CBLB: variants seen among roughly 807,000 people sequenced by gnomAD.
The protein encoded by CBLB is Cbl proto-oncogene B.
A neutral mutation model predicts 104.9 loss-of-function variants in CBLB; 31 were observed. The observed-to-expected ratio is 0.30, with a 90% confidence interval of 0.22 to 0.40. CBLB has a LOEUF of 0.40. Ranked by LOEUF, CBLB falls within the 10% of genes least tolerant of loss-of-function variation. CBLB has a pLI of 1.00. For missense variants in CBLB, 1,062 were observed against 1,214.6 expected (o/e 0.87, Z 1.87); for synonymous variants, 440 against 422.6 (o/e 1.04, Z -0.51).
Position 105,670,144 on chromosome 3 carries a change from A to G in CBLB, c.2689+89T>C, listed in dbSNP as rs548959296. ...TTTCTTGGGTGGACAACATTCATTAAATTATATAATGAATAAGAAGGTGTT... is the reference window on the plus strand; with the variant it reads ...TTTCTTGGGTGGACAACATTCATTAGATTATATAATGAATAAGAAGGTGTT... On this transcript the variant is annotated intron_variant, in intron 18 of 18. Transcript: ENST00000394030. 1.1e-5 allele frequency: 12 copies of G among 1,112,816 alleles called. No individual in the cohort carries two copies. The East Asian group carries it at 1.7e-4, about 15-fold the overall frequency. The allele number at this position is 1,112,816 out of a possible 1,614,324, so 68.9% of individuals were successfully genotyped here. A position where few individuals can be genotyped will look rare whatever the true frequency, so the allele number is the denominator to read the frequency against.
At position 105,657,565 on chromosome 3, in the gene CBLB, C is replaced by T. The variant is rs561991953; in HGVS notation, c.*1405G>A. The T allele has an allele frequency of 2.4e-5, 5 of 204,880 alleles. No individual in the cohort carries two copies. Among genetic ancestry groups the T allele is most frequent in the Admixed American group, 5.9e-5 (1 of 16,830 alleles). 12.7% of individuals were successfully genotyped at this position (204,880 alleles called of 1,614,324 possible). ...ACAGAAAAACAAAAATAAAACATTA[C>T]GCTGGAATCAGCTTTTGAGAGTTTG... On this transcript the variant is annotated 3_prime_UTR_variant, in exon 19 of 19. Transcript: ENST00000394030.
intron 3 of CBLB, among the ~76,000 whole-genome samples, chr3:105,814,225 C>G (rs116283576): frequency 6.6e-6 from 1 of 152,042 alleles, no homozygotes; most frequent in Admixed American, 6.6e-5. Flanking sequence ...TATGTTTATA[C>G]GTGCATCAGA....
At chr3:105,682,294 A>G (rs2066409529) in intron 14 of CBLB, among the ~76,000 whole-genome samples, 1 of 152,234 alleles carries the variant, frequency 6.6e-6, no homozygotes, top group Non-Finnish European at 1.5e-5. Context: ...AAGAAGAAAA[A>G]TTATTGAACT....
chr3:105,662,960 T>C (rs1477280012), intron 18 of CBLB, among the ~76,000 whole-genome samples: 1 of 152,210 alleles, frequency 6.6e-6, no homozygotes, highest in East Asian at 1.9e-4. Flanking sequence ...CTACTGTTAC[T>C]ACTTGAGACC....
chr3:105,711,274 A>G (rs111727438), intron 10 of CBLB, among the ~76,000 whole-genome samples: 1 of 152,020 alleles, frequency 6.6e-6, no homozygotes, highest in Non-Finnish European at 1.5e-5. Context: ...TATAATAAGG[A>G]TGATGAGAAG....
At chr3:105,796,200 A>C (rs1245437256) in intron 3 of CBLB, among the ~76,000 whole-genome samples, 1 of 152,260 alleles carries the variant, frequency 6.6e-6, no homozygotes, top group East Asian at 1.9e-4. Flanking sequence ...ACTATATTAC[A>C]GGGCTATAGT....
rs149712640 is a variant in CBLB at position 105,864,508 on chromosome 3, G to A, written c.168+2902C>T. ...CCACTGATGTGAGGGCTTCTGGGTC[G>A]GCTATCAAATTACACATACACAGAG... is the stretch of plus-strand genomic sequence containing the variant. On this transcript the variant is annotated intron_variant, in intron 2 of 18. Transcript: ENST00000394030. Among the ~76,000 whole-genome samples, 25 of 152,192 alleles carry A rather than the reference G, an allele frequency of 1.6e-4. No individual in the cohort carries two copies. In the East Asian group the frequency reaches 4.6e-3, roughly 28 times the overall value.
chr3:105,758,931 T>C (rs2077337419), intron 4 of CBLB, among the ~76,000 whole-genome samples: 1 of 152,240 alleles, frequency 6.6e-6, no homozygotes. Context: ...CTCCTTCTCA[T>C]TGCCCACAAT....
intron 8 of CBLB, among the ~76,000 whole-genome samples, chr3:105,734,784 G>A (rs369965644): frequency 1.3e-5 from 2 of 152,114 alleles, no homozygotes; most frequent in Non-Finnish European, 2.9e-5. Context: ...ACTAAAAAGT[G>A]CATACGCTTT....
intron 2 of CBLB, among the ~76,000 whole-genome samples, chr3:105,855,767 A>G (rs1015991420): frequency 1.1e-4 from 17 of 152,232 alleles, no homozygotes; most frequent in African/African-American, 3.9e-4. Context: ...TTGTAGATAT[A>G]CCGGCTTTTT....
At chr3:105,803,739 G>A (rs72997617) in intron 3 of CBLB, among the ~76,000 whole-genome samples, 2,666 of 152,226 alleles carry the variant, frequency 0.018, 70 homozygotes, top group African/African-American at 0.06. Context: ...TAATAAAGCC[G>A]GGTACACATT....
At chr3:105,752,467 A>C (rs2076677013) in intron 4 of CBLB, among the ~76,000 whole-genome samples, 1 of 152,198 alleles carries the variant, frequency 6.6e-6, no homozygotes, top group African/African-American at 2.4e-5. Context: ...CCTATTCCTA[A>C]TTCGGCAGAA....
intron 3 of CBLB, among the ~76,000 whole-genome samples, chr3:105,791,420 T>G (rs1283467660): frequency 1.3e-5 from 2 of 149,682 alleles, no homozygotes; most frequent in African/African-American, 5.1e-5. Context: ...AAATATTTAG[T>G]GTAGTAAAGA....
At chr3:105,715,962 C>T (rs562819710) in intron 10 of CBLB, among the ~76,000 whole-genome samples, 37 of 152,258 alleles carry the variant, frequency 2.4e-4, no homozygotes, top group Admixed American at 8.5e-4. Flanking sequence ...TCACTTGAAC[C>T]AGGGAGGCAG....
At chr3:105,679,335 TTAA>T (rs756995808) in intron 16 of CBLB, among the ~76,000 whole-genome samples, 192 of 75,134 alleles carry the variant, frequency 2.6e-3, no homozygotes, top group African/African-American at 6.8e-3. Flanking sequence ...CCTTGAGTCT[TTAA>T]AAAAAAAAAA....
chr3:105,678,993 C>T (rs1351838984), intron 16 of CBLB, among the ~76,000 whole-genome samples: 3 of 152,080 alleles, frequency 2.0e-5, no homozygotes, highest in Admixed American at 6.5e-5. Flanking sequence ...TGGAAAATCA[C>T]CTCAAATACA....
chr3:105,755,997 A>G (rs775268254), intron 4 of CBLB, among the ~76,000 whole-genome samples: 12 of 152,228 alleles, frequency 7.9e-5, no homozygotes, highest in Non-Finnish European at 1.6e-4. Flanking sequence ...TTAAACTATA[A>G]TGTCTGGAGA....
At chr3:105,778,088 C>T (rs994399491) in intron 3 of CBLB, among the ~76,000 whole-genome samples, 3 of 151,710 alleles carry the variant, frequency 2.0e-5, no homozygotes, top group African/African-American at 7.3e-5. Context: ...TGTGTATGTG[C>T]ACCTGTATAT....
chr3:105,759,720 G>A (rs1368661249), intron 4 of CBLB, among the ~76,000 whole-genome samples: 2 of 152,184 alleles, frequency 1.3e-5, no homozygotes, highest in African/African-American at 2.4e-5. Flanking sequence ...CCAGACAGCA[G>A]GAGCAGGCAC....
Sources: gnomAD v4.1 joint callset for allele counts (sites outside exome capture counted in the v4.1 genomes callset) on GRCh38, gnomAD v4.1.1 for gene constraint, MANE v1.5 for transcripts, NCBI Gene and HGNC (gene_info 2026-07-23, HGNC 2026-07-21) for gene names.